Variants in GPX3 observed in about 807,000 individuals in gnomAD.
GPX3 encodes the protein GPx-3.
Under a neutral mutation model 25.1 loss-of-function variants are expected in GPX3, and 22 were observed. The observed-to-expected ratio is 0.88, with a 90% CI of 0.63 to 1.25. The LOEUF (loss-of-function observed/expected upper bound fraction) is 1.25, where lower values mean the gene tolerates loss of function less well. Ranked by LOEUF, GPX3 falls within the 50% of genes most tolerant of loss-of-function variation. The pLI is 0.00. For missense variants in GPX3, 278 were observed against 286.6 expected, an observed-to-expected ratio of 0.97 and a Z score of 0.22; for synonymous variants, 110 against 114.5, an observed-to-expected ratio of 0.96 and a Z score of 0.25.
chr5:151,023,260 G>T (rs534996724), intron 1 of GPX3, among the ~76,000 whole-genome samples: 1 of 152,140 alleles, frequency 6.6e-6, no homozygotes, highest in Non-Finnish European at 1.5e-5. Flanking sequence ...GATCAGTGGT[G>T]AGCACAGCCG....
chr5:151,021,971 G>A (rs1000743591), intron 1 of GPX3: 3 of 152,234 alleles, frequency 2.0e-5, no homozygotes, highest in African/African-American at 4.8e-5. Context: ...AAGCCCATTG[G>A]AAGCACAGGG....
intron 2 of GPX3, among the ~76,000 whole-genome samples, chr5:151,026,094 G>A (rs995588388): frequency 1.3e-5 from 2 of 152,178 alleles, no homozygotes; most frequent in African/African-American, 4.8e-5. Context: ...GTGGAATGGG[G>A]CATTTGGCGC....
chr5:151,028,315 G>C lies in GPX3; in HGVS notation c.*185G>C, dbSNP rs1756593710. ...CAGGCATGTGGGTGTGGGTGCATGT[G>C]GGTGTTTACACACATGCCTACAGGT... On this transcript the variant is annotated 3_prime_UTR_variant, in exon 5 of 5. Coordinates refer to ENST00000388825, the MANE Select transcript of GPX3 (RefSeq NM_002084.5). The C allele has an allele frequency of 9.8e-6, 6 of 613,438 alleles. No homozygotes were observed. Among genetic ancestry groups the C allele is most frequent in the Non-Finnish European group, 1.7e-5 (6 of 343,004 alleles). The allele number at this position is 613,438 out of a possible 1,614,324, so 38.0% of individuals were successfully genotyped here.
intron 1 of GPX3, among the ~76,000 whole-genome samples, chr5:151,024,046 A>G (rs1002768820): frequency 4.6e-5 from 7 of 152,184 alleles, no homozygotes; most frequent in African/African-American, 1.7e-4. Context: ...CTCAACAGCA[A>G]GTTCTCCAGA....
chr5:151,026,704 C>A, intron 2 of GPX3, 196 bp from the exon 3 acceptor site: 1 of 499,936 alleles, frequency 2.0e-6, no homozygotes, highest in Non-Finnish European at 3.6e-6. Context: ...ACCTCCAATC[C>A]ATCCAGATTA....
rs759363512 is a variant in GPX3, at chr5:151,025,381, C to G, written c.129C>G (p.Tyr43Ter). The change falls in exon 2 of 5, where the codon TAC (tyrosine) becomes TAG (stop). Residue 43 changes from tyrosine to a stop codon, truncating the protein, a stop_gained. Coordinates refer to ENST00000388825, the MANE Select transcript of GPX3 (RefSeq NM_002084.5). LOFTEE classifies it high-confidence loss of function. Reference protein sequence around the residue: ...HGGISGTIYEYGALTIDGEEY... With the variant: ...HGGISGTIYE ...GCATAAGTGGCACCATTTACGAGTA[C>G]GGAGCCCTCACCATTGATGGGGAGG... 17 of 1,609,384 alleles carry G rather than the reference C, an allele frequency of 1.1e-5. No homozygotes were observed. The highest frequency in any genetic ancestry group is 1.4e-5 in the Non-Finnish European group (17 of 1,177,646).
At chr5:151,022,648 G>A (rs1756493647) in intron 1 of GPX3, among the ~76,000 whole-genome samples, 1 of 152,184 alleles carries the variant, frequency 6.6e-6, no homozygotes, top group South Asian at 2.1e-4. Context: ...GGAGATGCTA[G>A]GGAAGAGACC....
intron 4 of GPX3, 151 bp from the exon 5 acceptor site, chr5:151,027,758 A>C (rs8177446): frequency 9.8e-5 from 74 of 753,862 alleles, no homozygotes; most frequent in African/African-American, 8.8e-4. Context: ...GGGTCTCACA[A>C]TCTTCTAGAG....
chr5:151,026,745 ATTG>A, intron 2 of GPX3, 152 bp from the exon 3 acceptor site: 3 of 626,868 alleles, frequency 4.8e-6, no homozygotes, highest in Non-Finnish European at 8.6e-6. Flanking sequence ...GAGTCCCAGC[ATTG>A]CTGTGAACTC....
At chr5:151,023,080 A>G (rs1756500035) in intron 1 of GPX3, among the ~76,000 whole-genome samples, 1 of 152,082 alleles carries the variant, frequency 6.6e-6, no homozygotes, top group Non-Finnish European at 1.5e-5. Context: ...GAGTCCCATC[A>G]TCCAACTCTC....
chr5:151,027,867 G>T, intron 4 of GPX3, 42 bp from the exon 5 acceptor site: 1 of 1,512,210 alleles, frequency 6.6e-7, no homozygotes, highest in South Asian at 1.1e-5. Flanking sequence ...GAGGGTCAGG[G>T]GGCCTCAAGC....
At chr5:151,025,797 A>C (rs1756539095) in intron 2 of GPX3, among the ~76,000 whole-genome samples, 2 of 152,234 alleles carry the variant, frequency 1.3e-5, no homozygotes, top group Non-Finnish European at 2.9e-5. Context: ...CTGGAGCATG[A>C]GATGGTAACT....
intron 1 of GPX3, 100 bp downstream of exon 1, chr5:151,020,841 T>C (rs776861572): frequency 1.8e-6 from 2 of 1,139,928 alleles, no homozygotes; most frequent in Non-Finnish European, 2.6e-6. Context: ...CCCCGCCAGA[T>C]GGGCAATCCC....
chr5:151,025,461 C>T lies in GPX3; in HGVS notation c.209C>T (p.Ala70Val). 6.2e-7 allele frequency: 1 copy of T among 1,611,820 alleles called. No homozygotes were observed. ...AAATACGTCCTCTTTGTCAACGTGG[C>T]CAGCTACTGAGGCCTGACGGGCCAG... is the stretch of plus-strand genomic sequence containing the variant. ...AGKYVLFVNV[A>V]SYUGLTGQYI... The change falls in exon 2 of 5, where the codon GCC becomes GTC. Residue 70 changes from alanine (A) to valine (V), a missense_variant. Physicochemically the swap from Ala to Val is moderately conservative, Grantham distance 64. Transcript: ENST00000388825.
chr5:151,027,554 TGGCTGG>T, intron 4 of GPX3, 23 bp downstream of exon 4: 1 of 1,471,712 alleles, frequency 6.8e-7, no homozygotes, highest in Non-Finnish European at 9.5e-7. Flanking sequence ...CCACCTGTGC[TGGCTGG>T]GGCTGCAGCC....
rs1447161663 is a variant in GPX3, at chr5:151,028,245, G to T, written c.*115G>T. 4 of 929,332 alleles carry T rather than the reference G, an allele frequency of 4.3e-6. No homozygotes were observed. In the African/African-American group the frequency reaches 6.5e-5, roughly 15 times the overall value. The allele number at this position is 929,332 out of a possible 1,614,324, so 57.6% of individuals were successfully genotyped here. ...CACAGACCCCTTTCCTATCACTCAA[G>T]GCCCCAGCCTGGCACAAATGGATGC... On this transcript the variant is annotated 3_prime_UTR_variant, in exon 5 of 5. Transcript: ENST00000388825.
At chr5:151,026,764 T>C (rs185672941) in intron 2 of GPX3, 136 bp from the exon 3 acceptor site, 2 of 662,226 alleles carry the variant, frequency 3.0e-6, no homozygotes, top group African/African-American at 3.6e-5. Flanking sequence ...AACTCACTGG[T>C]GATCCTGCGC....
chr5:151,028,366 G>T lies in GPX3; in HGVS notation c.*236G>T. On this transcript the variant is annotated 3_prime_UTR_variant, in exon 5 of 5. Transcript: ENST00000388825. ...ATGCGTGATTGTGTGTGTGTGCATGGGTGTACAGCCACGTGTCTACCTATG... is the reference window on the plus strand; with the variant it reads ...ATGCGTGATTGTGTGTGTGTGCATGTGTGTACAGCCACGTGTCTACCTATG... The T allele has an allele frequency of 1.8e-6, 1 of 545,186 alleles. No individual in the cohort carries two copies. 33.8% of individuals were successfully genotyped at this position (545,186 alleles called of 1,614,324 possible). A position where few individuals can be genotyped will look rare whatever the true frequency, so the allele number is the denominator to read the frequency against.
At chr5:151,023,887 TGCCA>T (rs1756511226) in intron 1 of GPX3, among the ~76,000 whole-genome samples, 1 of 152,236 alleles carries the variant, frequency 6.6e-6, no homozygotes, top group Admixed American at 6.5e-5. Flanking sequence ...AGCTTGCAGC[TGCCA>T]GGGAATGGCC....
Sources: allele counts gnomAD v4.1 joint callset (sites outside exome capture counted in the v4.1 genomes callset), GRCh38; gene constraint gnomAD v4.1.1; transcripts MANE v1.5; gene names NCBI Gene and HGNC (gene_info 2026-07-23, HGNC 2026-07-21).